MUSK: variants seen among roughly 807,000 people sequenced by gnomAD.
MUSK encodes muscle, skeletal receptor tyrosine-protein kinase.
A neutral mutation model predicts 88.7 loss-of-function variants in MUSK; 55 were observed. That is an observed-to-expected ratio of 0.62 (90% CI 0.50 to 0.78). The LOEUF (loss-of-function observed/expected upper bound fraction) is 0.78, where lower values mean the gene tolerates loss of function less well. Among genes scored for constraint, MUSK ranks in the 30% least tolerant of loss-of-function variants. The probability of loss-of-function intolerance (pLI) is 0.00; values close to 1 mark genes in which losing one functional copy is unlikely to be tolerated. For synonymous variants in MUSK, 387 were observed against 391.9 expected (o/e 0.99, Z 0.15); for missense variants, 1,015 against 1,074.3 (o/e 0.94, Z 0.77).
At chr9:110,775,758 T>G (rs373745787) in intron 9 of MUSK, 30 bp from the exon 10 acceptor site, 18 of 1,605,508 alleles carry the variant, frequency 1.1e-5, no homozygotes, top group Non-Finnish European at 1.4e-5. Flanking sequence ...TAATGATTCA[T>G]CAAGTTTTGT....
At chr9:110,673,709 T>C (rs940785158) in intron 1 of MUSK, among the ~76,000 whole-genome samples, 1 of 152,162 alleles carries the variant, frequency 6.6e-6, no homozygotes, top group African/African-American at 2.4e-5. Context: ...TAATAGTAAG[T>C]CTATTACCTC....
chr9:110,789,351 A>T (rs1271712094), intron 14 of MUSK, among the ~76,000 whole-genome samples: 2 of 152,262 alleles, frequency 1.3e-5, no homozygotes, highest in Non-Finnish European at 2.9e-5. Flanking sequence ...GAGATGTGCA[A>T]AAAAGGGAAA....
chr9:110,701,672 TTTATTTTTTTTACTTTA>T (rs754684145), intron 5 of MUSK, among the ~76,000 whole-genome samples: 477 of 27,228 alleles, frequency 0.018, 190 homozygotes, highest in Admixed American at 0.023. Flanking sequence ...TTTATTTTAT[TTTATTTTTTTTACTTTA>T]CTTTATTTTA....
chr9:110,717,464 C>T (rs1172647360), intron 5 of MUSK, among the ~76,000 whole-genome samples: 1 of 149,896 alleles, frequency 6.7e-6, no homozygotes, highest in Non-Finnish European at 1.5e-5. Flanking sequence ...CTTTCCTTGG[C>T]ATTATCCAAA....
chr9:110,760,297 T>C (rs1211165031), intron 7 of MUSK, among the ~76,000 whole-genome samples: 2 of 152,152 alleles, frequency 1.3e-5, no homozygotes, highest in Non-Finnish European at 2.9e-5. Context: ...ATAGCCAAGA[T>C]GTGGAATCAA....
At chr9:110,687,051 A>T in intron 2 of MUSK, 66 bp from the exon 3 acceptor site, 1 of 1,526,178 alleles carries the variant, frequency 6.6e-7, no homozygotes, top group East Asian at 2.3e-5. Context: ...TCGGTTTGAT[A>T]CATTAATCAT....
At chr9:110,681,014 A>ATAAT (rs1491119330) in intron 1 of MUSK, among the ~76,000 whole-genome samples, 1 of 30,956 alleles carries the variant, frequency 3.2e-5, no homozygotes, top group Non-Finnish European at 5.4e-5. Flanking sequence ...TATTATATAT[A>ATAAT]ATATATATTA....
chr9:110,750,569 C>T (rs900642719), intron 7 of MUSK, among the ~76,000 whole-genome samples: 1 of 152,188 alleles, frequency 6.6e-6, no homozygotes, highest in African/African-American at 2.4e-5. Context: ...CCCTGTCTGT[C>T]CCTACTGTGG....
In MUSK at chr9:110,801,241, AAGGTTTG is replaced by A; in HGVS notation, c.*254_*260del. On this transcript the variant is annotated 3_prime_UTR_variant, in exon 15 of 15. Transcript: ENST00000374448. Reference sequence around the variant, plus strand: ...ATGGAGACAACTATTCTTCTTCATGAAGGTTTGTAATACACACTGCACAGGGAAGAAT... The same window carrying A: ...ATGGAGACAACTATTCTTCTTCATGATAATACACACTGCACAGGGAAGAAT... 2.7e-6 allele frequency: 1 copy of A among 367,668 alleles called. No homozygotes were observed. Among genetic ancestry groups the A allele is most frequent in the Non-Finnish European group, 4.9e-6 (1 of 204,798 alleles). 22.8% of individuals were successfully genotyped at this position (367,668 alleles called of 1,614,324 possible).
rs902960566 is a variant in MUSK, at chr9:110,801,555, G to A, written c.*567G>A. 2.0e-5 allele frequency: 3 copies of A among 152,216 alleles called. No homozygotes were observed. The highest frequency in any genetic ancestry group is 7.2e-5 in the African/African-American group (3 of 41,458). The allele number at this position is 152,216 out of a possible 1,614,324, so 9.4% of individuals were successfully genotyped here. A position where few individuals can be genotyped will look rare whatever the true frequency, so the allele number is the denominator to read the frequency against. On this transcript the variant is annotated 3_prime_UTR_variant, in exon 15 of 15. Coordinates refer to ENST00000374448, the MANE Select transcript of MUSK (RefSeq NM_005592.4). The stretch of plus-strand genomic sequence containing the variant: ...TTTATATTTGTTTGTATTCTGCAGA[G>A]TTGTGGTTACATTTTATTGATAGAG...
chr9:110,677,860 T>C (rs1439407388), intron 1 of MUSK, among the ~76,000 whole-genome samples: 3 of 152,214 alleles, frequency 2.0e-5, no homozygotes, highest in Non-Finnish European at 4.4e-5. Flanking sequence ...TTTTTGACTG[T>C]GATAGGTATC....
chr9:110,675,274 T>G (rs1029057964), intron 1 of MUSK, among the ~76,000 whole-genome samples: 3 of 138,888 alleles, frequency 2.2e-5, no homozygotes, highest in Non-Finnish European at 3.0e-5. Flanking sequence ...CAGGCTGGAG[T>G]GCAGTGTCGC....
chr9:110,770,906 T>G (rs1456132577), intron 9 of MUSK, among the ~76,000 whole-genome samples: 5 of 152,086 alleles, frequency 3.3e-5, no homozygotes, highest in Non-Finnish European at 7.4e-5. Flanking sequence ...AAAACTGCCA[T>G]TAATTTCTTT....
At chr9:110,690,020 A>C (rs1462830997) in intron 3 of MUSK, among the ~76,000 whole-genome samples, 1 of 91,132 alleles carries the variant, frequency 1.1e-5, no homozygotes, top group South Asian at 3.6e-4. Context: ...AATATATAAT[A>C]TATATTATAT....
Position 110,804,546 on chromosome 9 carries a change from T to A in MUSK, c.*3558T>A, listed in dbSNP as rs1225539661. ...CCTAGGTCATTAACAGTTTTTATTT[T>A]GGCAATTGTCTACAGCCCATTTTTC... is the stretch of plus-strand genomic sequence containing the variant. On this transcript the variant is annotated 3_prime_UTR_variant, in exon 15 of 15. Transcript: ENST00000374448. 6.6e-6 allele frequency among the ~76,000 whole-genome samples: 1 copy of A among 152,066 alleles called. No homozygotes were observed. The highest frequency in any genetic ancestry group is 1.5e-5 in the Non-Finnish European group (1 of 67,938).
chr9:110,781,562 T>C lies in MUSK; in HGVS notation c.1385-3253T>C, dbSNP rs148303013. Among the ~76,000 whole-genome samples the C allele has an allele frequency of 3.4e-4, 52 of 152,142 alleles. No homozygotes were observed. The East Asian group carries it at 7.5e-3, about 22-fold the overall frequency. ...AAGTGCTGGGATTACAGGCGTGAGC[T>C]ACTGCTCCCAGCCCACACCTTTTCC... On this transcript the variant is annotated intron_variant, in intron 11 of 14. Transcript: ENST00000374448.
chr9:110,736,498 G>A (rs1037669285), intron 6 of MUSK, among the ~76,000 whole-genome samples: 1 of 152,052 alleles, frequency 6.6e-6, no homozygotes, highest in African/African-American at 2.4e-5. Context: ...AAAACAGCAA[G>A]GAGACCAATG....
chr9:110,743,518 A>G (rs529108869), intron 6 of MUSK, among the ~76,000 whole-genome samples: 1 of 152,364 alleles, frequency 6.6e-6, no homozygotes, highest in Admixed American at 6.5e-5. Context: ...ACTAAAAAAT[A>G]TAGAAAAATT....
intron 14 of MUSK, 72 bp downstream of exon 14, chr9:110,787,910 C>A (rs1330965227): frequency 6.6e-7 from 1 of 1,516,216 alleles, no homozygotes; most frequent in South Asian, 1.2e-5. Flanking sequence ...TCCCCTTGTT[C>A]GTGCTTTTTC....
Sources: gnomAD v4.1 joint callset for allele counts (sites outside exome capture counted in the v4.1 genomes callset) on GRCh38, gnomAD v4.1.1 for gene constraint, MANE v1.5 for transcripts, NCBI Gene and HGNC (gene_info 2026-07-23, HGNC 2026-07-21) for gene names.